Variants in LDLRAD4 observed in about 807,000 individuals in gnomAD.
The protein encoded by LDLRAD4 is low-density lipoprotein receptor class A domain-containing protein 4.
In LDLRAD4, 5 loss-of-function variants were observed where a neutral mutation model predicts 17.0. The ratio of observed to expected loss-of-function variants is 0.29; its 90% confidence interval spans 0.15 to 0.62. The LOEUF is 0.62. Ranked by LOEUF, LDLRAD4 falls within the 20% of genes least tolerant of loss-of-function variation. LDLRAD4 has a pLI of 0.84. For synonymous variants in LDLRAD4, 168 were observed against 171.8 expected (o/e 0.98, Z 0.17); for missense variants, 340 against 424.7 (o/e 0.80, Z 1.75).
chr18:13,234,658 C>T lies in LDLRAD4; in HGVS notation c.-467+15670C>T, dbSNP rs2042248809. Among the ~76,000 whole-genome samples, 4 of 152,260 alleles carry T rather than the reference C, an allele frequency of 2.6e-5. No individual in the cohort carries two copies. In the South Asian group the frequency reaches 6.2e-4, roughly 24 times the overall value. ...GGGTTGGGACAGGCCTCAGTGCAAA[C>T]AGAAAGTCCTGCAGAAAGGCTGAAG... On this transcript the variant is annotated intron_variant, in intron 1 of 5. Coordinates refer to the LDLRAD4 transcript ENST00000399848.
At chr18:13,549,508 G>A (rs898662494) in intron 3 of LDLRAD4, among the ~76,000 whole-genome samples, 3 of 151,888 alleles carry the variant, frequency 2.0e-5, no homozygotes, top group South Asian at 2.1e-4. Context: ...TTTTATTCAC[G>A]GAGGCATTTT....
At chr18:13,583,808 C>T (rs1423385848) in intron 3 of LDLRAD4, among the ~76,000 whole-genome samples, 1 of 152,080 alleles carries the variant, frequency 6.6e-6, no homozygotes, top group Non-Finnish European at 1.5e-5. Context: ...ATTGTTGTGT[C>T]TCTCGCTTTG....
At chr18:13,534,174 C>T (rs544299206) in intron 3 of LDLRAD4, among the ~76,000 whole-genome samples, 1 of 152,374 alleles carries the variant, frequency 6.6e-6, no homozygotes, top group South Asian at 2.1e-4. Flanking sequence ...CAGTGCCTAT[C>T]TGCACTTCCC....
intron 3 of LDLRAD4, among the ~76,000 whole-genome samples, chr18:13,484,708 ACTCCCC>A (rs2093176064): frequency 6.6e-6 from 1 of 152,020 alleles, no homozygotes; most frequent in African/African-American, 2.4e-5. Context: ...AAAAGATCTG[ACTCCCC>A]CTGCCCCCAC....
At chr18:13,278,728 A>C (rs763647295) in intron 1 of LDLRAD4, among the ~76,000 whole-genome samples, 1 of 152,152 alleles carries the variant, frequency 6.6e-6, no homozygotes, top group Non-Finnish European at 1.5e-5. Flanking sequence ...ATCCCTTTCT[A>C]GAATGTAAGC....
At chr18:13,611,441 G>A (rs2039548888) in intron 3 of LDLRAD4, 4 of 985,206 alleles carry the variant, frequency 4.1e-6, no homozygotes, top group Non-Finnish European at 2.4e-6. Flanking sequence ...CGACAGACTC[G>A]CAGCCTGCCC....
intron 1 of LDLRAD4, among the ~76,000 whole-genome samples, chr18:13,383,020 A>C (rs1425625329): frequency 6.6e-6 from 1 of 152,188 alleles, no homozygotes; most frequent in Non-Finnish European, 1.5e-5. Context: ...CACCACTTGT[A>C]ATCATCATCT....
At chr18:13,320,311 G>A (rs2143237928) in intron 1 of LDLRAD4, among the ~76,000 whole-genome samples, 1 of 152,344 alleles carries the variant, frequency 6.6e-6, no homozygotes, top group African/African-American at 2.4e-5. Flanking sequence ...GTCCTGTGTT[G>A]ACGTAATCTG....
intron 1 of LDLRAD4, among the ~76,000 whole-genome samples, chr18:13,378,028 C>T (rs1028644453): frequency 7.9e-5 from 12 of 152,118 alleles, no homozygotes; most frequent in African/African-American, 2.4e-4. Context: ...TCAGCTGTTC[C>T]CTGTGTGTTT....
chr18:13,633,471 G>A (rs1292917595), intron 4 of LDLRAD4, among the ~76,000 whole-genome samples: 3 of 152,122 alleles, frequency 2.0e-5, no homozygotes, highest in African/African-American at 7.2e-5. Context: ...TGGTGTCAAG[G>A]GGCACCTGCA....
intron 1 of LDLRAD4, chr18:13,241,713 C>T: frequency 6.6e-6 from 1 of 152,496 alleles, no homozygotes; most frequent in Non-Finnish European, 1.5e-5. Flanking sequence ...GGGCGCTCTG[C>T]CGTCAGTAGA....
At chr18:13,371,866 CTTTA>C (rs1217860224) in intron 1 of LDLRAD4, among the ~76,000 whole-genome samples, 1 of 152,162 alleles carries the variant, frequency 6.6e-6, no homozygotes, top group Non-Finnish European at 1.5e-5. Context: ...TAATTCATGT[CTTTA>C]TTTATGAAGG....
At chr18:13,321,106 T>G (rs2143278056) in intron 1 of LDLRAD4, among the ~76,000 whole-genome samples, 1 of 152,308 alleles carries the variant, frequency 6.6e-6, no homozygotes, top group East Asian at 1.9e-4. Flanking sequence ...GGTGGTTAAC[T>G]TCGGCCCGAG....
At chr18:13,313,096 A>C (rs1328059634) in intron 1 of LDLRAD4, among the ~76,000 whole-genome samples, 1 of 152,204 alleles carries the variant, frequency 6.6e-6, no homozygotes, top group Non-Finnish European at 1.5e-5. Flanking sequence ...TGCAGGTCAC[A>C]TGCTAAAGAG....
chr18:13,652,048 C>T (rs1005625557), exon 6 of LDLRAD4: 1 of 152,146 alleles, frequency 6.6e-6, no homozygotes, highest in Non-Finnish European at 1.5e-5. Flanking sequence ...TTGTTTCCAT[C>T]GTATACTGTA....
At chr18:13,448,365 C>T (rs554939585) in intron 3 of LDLRAD4, among the ~76,000 whole-genome samples, 1 of 152,260 alleles carries the variant, frequency 6.6e-6, no homozygotes, top group Admixed American at 6.5e-5. Flanking sequence ...ACCAGGCTTG[C>T]TTTCTCTTTT....
intron 3 of LDLRAD4, among the ~76,000 whole-genome samples, chr18:13,439,784 G>A (rs977706909): frequency 6.6e-6 from 1 of 152,192 alleles, no homozygotes; most frequent in Non-Finnish European, 1.5e-5. Context: ...GCACCTCCCT[G>A]AGGATGAGCA....
At chr18:13,519,490 G>A (rs565224794) in intron 3 of LDLRAD4, among the ~76,000 whole-genome samples, 47 of 152,330 alleles carry the variant, frequency 3.1e-4, no homozygotes, top group African/African-American at 1.1e-3. Context: ...GCCAGGCGCA[G>A]TGACTCATGC....
intron 1 of LDLRAD4, among the ~76,000 whole-genome samples, chr18:13,226,180 C>CTTTTTTTGTTT (rs2041783604): frequency 1.9e-5 from 1 of 52,188 alleles, no homozygotes; most frequent in African/African-American, 7.8e-5. Flanking sequence ...CCATGCCTTG[C>CTTTTTTTGTTT]TTTTTTTTTT....
Sources: gnomAD v4.1 joint callset for allele counts (sites outside exome capture counted in the v4.1 genomes callset) on GRCh38, gnomAD v4.1.1 for gene constraint, MANE v1.5 for transcripts, NCBI Gene and HGNC (gene_info 2026-07-23, HGNC 2026-07-21) for gene names.